ADAM19: variants seen among roughly 807,000 people sequenced by gnomAD.
ADAM19 encodes ADAM metallopeptidase domain 19.
Under a neutral mutation model 114.7 loss-of-function variants are expected in ADAM19, and 65 were observed. The observed-to-expected ratio is 0.57, with a 90% confidence interval of 0.46 to 0.70. The LOEUF (loss-of-function observed/expected upper bound fraction) is 0.70, where lower values mean the gene tolerates loss of function less well. Ranked by LOEUF, ADAM19 falls within the 30% of genes least tolerant of loss-of-function variation. The pLI, the probability that ADAM19 is intolerant of heterozygous loss-of-function variation, is 0.00. For missense variants in ADAM19, 1,063 were observed against 1,204.7 expected (o/e 0.88, Z 1.74); for synonymous variants, 466 against 460.5 (o/e 1.01, Z -0.15).
Position 157,479,191 on chromosome 5 carries a change from C to A in ADAM19, c.*1758G>T. The A allele has an allele frequency of 1.0e-6, 1 of 985,894 alleles. No individual in the cohort carries two copies. The highest frequency in any genetic ancestry group is 1.2e-6 in the Non-Finnish European group (1 of 829,940). The allele number at this position is 985,894 out of a possible 1,614,324, so 61.1% of individuals were successfully genotyped here. ...CAGCCACCCTGAGGGAAGAGAAACTCATTTTCCTGAGATCTTTCTAAACCC... is the reference window on the plus strand; with the variant it reads ...CAGCCACCCTGAGGGAAGAGAAACTAATTTTCCTGAGATCTTTCTAAACCC... On this transcript the variant is annotated 3_prime_UTR_variant, in exon 23 of 23. Coordinates refer to ENST00000257527, the MANE Select transcript of ADAM19 (RefSeq NM_033274.5).
chr5:157,570,855 T>C (rs748761731), intron 2 of ADAM19, 40 bp downstream of exon 2: 1 of 1,572,784 alleles, frequency 6.4e-7, no homozygotes, highest in South Asian at 1.1e-5. Context: ...ACCTCAGTTG[T>C]CAACTCCTGC....
chr5:157,550,535 T>C (rs1323141164), intron 3 of ADAM19, among the ~76,000 whole-genome samples: 1 of 152,232 alleles, frequency 6.6e-6, no homozygotes, highest in East Asian at 1.9e-4. Context: ...ACACTGCTGA[T>C]GTTTTTTCCT....
At chr5:157,566,954 G>A (rs910327638) in intron 2 of ADAM19, among the ~76,000 whole-genome samples, 2 of 152,194 alleles carry the variant, frequency 1.3e-5, no homozygotes, top group African/African-American at 4.8e-5. Context: ...TTACAAATGT[G>A]AGCCACCTCA....
At chr5:157,531,132 A>G (rs996824348) in intron 4 of ADAM19, among the ~76,000 whole-genome samples, 2 of 152,164 alleles carry the variant, frequency 1.3e-5, no homozygotes, top group East Asian at 1.9e-4. Flanking sequence ...AAAGGAGCAA[A>G]GAGATTTGCC....
rs913822959 is a variant in ADAM19, at chr5:157,575,764, G to A, written c.-68C>T. ...CCATACCTGCCCACTGCCCGGCGGT[G>A]GAGGCGCGTCTGGAACCCCCCGGCT... On this transcript the variant is annotated 5_prime_UTR_variant, in exon 1 of 23. Transcript: ENST00000257527. The A allele has an allele frequency of 1.4e-5, 17 of 1,177,136 alleles. No individual in the cohort carries two copies. Among genetic ancestry groups the A allele is most frequent in the Admixed American group, 1.3e-4 (3 of 23,476 alleles). 72.9% of individuals were successfully genotyped at this position (1,177,136 alleles called of 1,614,324 possible). A position where few individuals can be genotyped will look rare whatever the true frequency, so the allele number is the denominator to read the frequency against.
intron 8 of ADAM19, among the ~76,000 whole-genome samples, chr5:157,510,724 C>G (rs10050985): frequency 6.6e-6 from 1 of 152,106 alleles, no homozygotes; most frequent in African/African-American, 2.4e-5. Flanking sequence ...AGAGTGTATT[C>G]GTTTATGATT....
At chr5:157,492,915 A>G in intron 16 of ADAM19, 58 bp downstream of exon 16, 2 of 1,585,222 alleles carry the variant, frequency 1.3e-6, no homozygotes, top group Admixed American at 1.7e-5. Flanking sequence ...CTCAGACCTC[A>G]CTTCTCAATC....
intron 5 of ADAM19, among the ~76,000 whole-genome samples, chr5:157,526,226 C>T (rs1383572056): frequency 6.6e-6 from 1 of 151,092 alleles, no homozygotes; most frequent in Admixed American, 6.6e-5. Flanking sequence ...ATAAAGGATA[C>T]CTCCAACAGT....
At chr5:157,566,531 C>G (rs545532011) in intron 2 of ADAM19, 1 of 152,180 alleles carries the variant, frequency 6.6e-6, no homozygotes, top group African/African-American at 2.4e-5. Context: ...AAAACCAAGT[C>G]ATAATAAATC....
chr5:157,512,578 G>A (rs1224651120), intron 8 of ADAM19, among the ~76,000 whole-genome samples: 1 of 152,106 alleles, frequency 6.6e-6, no homozygotes, highest in Non-Finnish European at 1.5e-5. Flanking sequence ...TACCTATTCT[G>A]CATTTTGTAC....
chr5:157,556,576 G>T (rs964192062), intron 3 of ADAM19, among the ~76,000 whole-genome samples: 4 of 152,028 alleles, frequency 2.6e-5, no homozygotes, highest in Non-Finnish European at 4.4e-5. Context: ...CCAGGGATTC[G>T]AATGTGGTTA....
chr5:157,481,281 G>C, intron 22 of ADAM19: 1 of 575,648 alleles, frequency 1.7e-6, no homozygotes, highest in South Asian at 2.1e-5. Flanking sequence ...ATGCCTCGTG[G>C]GAATACAGCA....
Position 157,477,684 on chromosome 5 carries a change from A to G in ADAM19, c.*3265T>C. ...TGTTATACACGTGGTTAACACAATT[A>G]CTGACTTTGGAACTGGTCCCCAGTT... is the stretch of plus-strand genomic sequence containing the variant. On this transcript the variant is annotated 3_prime_UTR_variant, in exon 23 of 23. Transcript: ENST00000257527. The G allele has an allele frequency of 7.8e-7, 1 of 1,289,746 alleles. No individual in the cohort carries two copies. Among genetic ancestry groups the G allele is most frequent in the Non-Finnish European group, 1.0e-6 (1 of 988,836 alleles). 79.9% of individuals were successfully genotyped at this position (1,289,746 alleles called of 1,614,324 possible).
chr5:157,526,159 CATATATATAT>C, intron 5 of ADAM19, among the ~76,000 whole-genome samples: 1 of 147,244 alleles, frequency 6.8e-6, no homozygotes. Context: ...TTCATATATA[CATATATATAT>C]ATATACACAC....
At chr5:157,565,124 T>A (rs946109733) in intron 2 of ADAM19, among the ~76,000 whole-genome samples, 2 of 152,228 alleles carry the variant, frequency 1.3e-5, no homozygotes, top group Middle Eastern at 3.4e-3. Context: ...ACATAAGCAG[T>A]TTGGTAGTGG....
chr5:157,500,716 C>A (rs1214209347), intron 12 of ADAM19, among the ~76,000 whole-genome samples: 1 of 152,166 alleles, frequency 6.6e-6, no homozygotes, highest in Non-Finnish European at 1.5e-5. Context: ...TGGCCTGGAC[C>A]TTTCTGGAAC....
intron 3 of ADAM19, among the ~76,000 whole-genome samples, chr5:157,544,976 G>A (rs1360138118): frequency 6.6e-6 from 1 of 152,198 alleles, no homozygotes; most frequent in Non-Finnish European, 1.5e-5. Flanking sequence ...GAGATCACTG[G>A]AGCTGTGAGA....
chr5:157,564,606 A>G (rs1757602218), intron 2 of ADAM19, among the ~76,000 whole-genome samples, 163 bp from the exon 3 acceptor site: 1 of 152,218 alleles, frequency 6.6e-6, no homozygotes, highest in Admixed American at 6.5e-5. Flanking sequence ...TCAATCCCAG[A>G]ATGACCCAAA....
chr5:157,479,664 AG>A lies in ADAM19; in HGVS notation c.*1284del, dbSNP rs1256213404. ...GGGCAGTGACCAGAGAGAGAACAAA[AG>A]GAAGTGAATGACAAAAAGCTGGGTT... is the stretch of plus-strand genomic sequence containing the variant. On this transcript the variant is annotated 3_prime_UTR_variant, in exon 23 of 23. Transcript: ENST00000257527. 2.0e-6 allele frequency: 2 copies of A among 985,912 alleles called. No individual in the cohort carries two copies. The highest frequency in any genetic ancestry group is 2.3e-4 in the East Asian group (2 of 8,824). 61.1% of individuals were successfully genotyped at this position (985,912 alleles called of 1,614,324 possible).
Sources: gnomAD v4.1 joint callset for allele counts (sites outside exome capture counted in the v4.1 genomes callset) on GRCh38, gnomAD v4.1.1 for gene constraint, MANE v1.5 for transcripts, NCBI Gene and HGNC (gene_info 2026-07-23, HGNC 2026-07-21) for gene names.